Variants in IL31RA observed in about 807,000 individuals in gnomAD.
IL31RA encodes interleukin-31 receptor subunit alpha.
IL31RA carries 66 observed loss-of-function variants against 83.7 expected under a neutral mutation model. That is an observed-to-expected ratio of 0.79 (90% CI 0.65 to 0.97). The LOEUF is 0.97. IL31RA is among the 50% of genes least tolerant of loss of function. The pLI is 0.00. For synonymous variants in IL31RA, 325 were observed against 329.0 expected (o/e 0.99, Z 0.13); for missense variants, 798 against 919.4 (o/e 0.87, Z 1.71).
At chr5:55,864,616 C>G (rs1433010569) in intron 2 of IL31RA, among the ~76,000 whole-genome samples, 2 of 150,470 alleles carry the variant, frequency 1.3e-5, no homozygotes, top group African/African-American at 4.9e-5. Flanking sequence ...ACCATACACA[C>G]CACACACACA....
chr5:55,861,676 C>A (rs1341996079), intron 2 of IL31RA, among the ~76,000 whole-genome samples: 1 of 152,170 alleles, frequency 6.6e-6, no homozygotes, highest in Non-Finnish European at 1.5e-5. Context: ...CAATTGCTCC[C>A]AGTTATCTAA....
intron 2 of IL31RA, among the ~76,000 whole-genome samples, chr5:55,864,105 T>C (rs1194221539): frequency 6.6e-6 from 1 of 152,090 alleles, no homozygotes; most frequent in Non-Finnish European, 1.5e-5. Context: ...AGACTAAGAC[T>C]ATTCTGGGGA....
intron 1 of IL31RA, chr5:55,853,479 C>T: frequency 6.5e-7 from 1 of 1,549,354 alleles, no homozygotes; most frequent in East Asian, 2.4e-5. Flanking sequence ...TCTTCCTGTC[C>T]TGACTTGTGC....
At chr5:55,856,927 A>T (rs1745396948) in intron 1 of IL31RA, among the ~76,000 whole-genome samples, 1 of 152,144 alleles carries the variant, frequency 6.6e-6, no homozygotes, top group African/African-American at 2.4e-5. Context: ...ATGATAATGA[A>T]GGTTTTCCAA....
rs773658092 is a variant in IL31RA at position 55,919,669 on chromosome 5, G to T, written c.*2549G>T. Among the ~76,000 whole-genome samples, 1 of 152,090 alleles carries T rather than the reference G, an allele frequency of 6.6e-6. No homozygotes were observed. ...TTCCATGGTTTTATTACCTTTGAGG[G>T]GTGGGAAGATGGTGGCTCTGTTTCT... is the stretch of plus-strand genomic sequence containing the variant. On this transcript the variant is annotated 3_prime_UTR_variant, in exon 15 of 15. Coordinates refer to ENST00000652347, the MANE Select transcript of IL31RA (RefSeq NM_139017.7).
chr5:55,885,387 G>A (rs369700501), intron 5 of IL31RA, among the ~76,000 whole-genome samples: 8 of 152,166 alleles, frequency 5.3e-5, no homozygotes, highest in East Asian at 3.9e-4. Context: ...TTTATTGGGC[G>A]AAAAGGAAAA....
chr5:55,866,927 T>A (rs1213958465), intron 2 of IL31RA, among the ~76,000 whole-genome samples: 1 of 152,214 alleles, frequency 6.6e-6, no homozygotes, highest in African/African-American at 2.4e-5. Context: ...CTTTGATATA[T>A]AAAGGTAATT....
At chr5:55,842,379 C>G in the IL31RA span, among the ~76,000 whole-genome samples, 1 of 152,184 alleles carries the variant, frequency 6.6e-6, no homozygotes, top group South Asian at 2.1e-4. Flanking sequence ...ATTGGACCCA[C>G]TATGGGAGGT....
intron 4 of IL31RA, among the ~76,000 whole-genome samples, chr5:55,873,795 A>G (rs1746675555): frequency 6.6e-6 from 1 of 152,116 alleles, no homozygotes; most frequent in Non-Finnish European, 1.5e-5. Context: ...TCTTGGCACA[A>G]GTTCCTTATC....
At chr5:55,842,119 C>T in the IL31RA span, among the ~76,000 whole-genome samples, 5 of 152,048 alleles carry the variant, frequency 3.3e-5, no homozygotes, top group African/African-American at 9.7e-5. Flanking sequence ...GTTGTGGCTC[C>T]AGCAATCCTT....
intron 1 of IL31RA, 21 bp downstream of exon 1, chr5:55,851,654 T>A: frequency 6.2e-7 from 1 of 1,613,704 alleles, no homozygotes; most frequent in Non-Finnish European, 8.5e-7. Flanking sequence ...ATTTGGGGGG[T>A]TACAAATAAT....
intron 7 of IL31RA, among the ~76,000 whole-genome samples, chr5:55,898,998 T>C (rs1748639553): frequency 1.3e-5 from 2 of 152,116 alleles, no homozygotes; most frequent in African/African-American, 4.8e-5. Flanking sequence ...CACTCCAGCC[T>C]GGGCGACAGA....
chr5:55,842,396 G>A, the IL31RA span, among the ~76,000 whole-genome samples: 1 of 152,208 alleles, frequency 6.6e-6, no homozygotes, highest in Non-Finnish European at 1.5e-5. Flanking sequence ...AGGTGTATGG[G>A]AGTATATGAG....
At chr5:55,888,998 G>A (rs1273465794) in intron 5 of IL31RA, among the ~76,000 whole-genome samples, 1 of 152,184 alleles carries the variant, frequency 6.6e-6, no homozygotes, top group Non-Finnish European at 1.5e-5. Context: ...TTCTCTTGCA[G>A]GATCCATGGG....
chr5:55,841,002 A>G, the IL31RA span, among the ~76,000 whole-genome samples: 2 of 152,298 alleles, frequency 1.3e-5, no homozygotes, highest in African/African-American at 4.8e-5. Flanking sequence ...GAAGGAATCA[A>G]GTAATTAACC....
Position 55,903,021 on chromosome 5 carries a change from G to A in IL31RA, c.1069+2889G>A, listed in dbSNP as rs1024229590. Among the ~76,000 whole-genome samples, 5 of 152,132 alleles carry A rather than the reference G, an allele frequency of 3.3e-5. No homozygotes were observed. The highest frequency in any genetic ancestry group is 4.8e-5 in the African/African-American group (2 of 41,418). ...TTATTCATAAAGTGACTTGAATTCCGGTCACAGATGCTGTGTGACACTGAA... is the reference window on the plus strand; with the variant it reads ...TTATTCATAAAGTGACTTGAATTCCAGTCACAGATGCTGTGTGACACTGAA... On this transcript the variant is annotated intron_variant, in intron 8 of 14. Transcript: ENST00000652347. This position sits in a 1 kb window ranked among gnomAD's most constrained non-coding sequence, Gnocchi z 4.7.
the IL31RA span, among the ~76,000 whole-genome samples, chr5:55,841,539 A>G: frequency 6.6e-6 from 1 of 152,220 alleles, no homozygotes; most frequent in Non-Finnish European, 1.5e-5. Flanking sequence ...GAGCACTTGT[A>G]CTGAACTGTC....
At chr5:55,855,053 G>A (rs980450299) in intron 1 of IL31RA, among the ~76,000 whole-genome samples, 12 of 152,036 alleles carry the variant, frequency 7.9e-5, no homozygotes, top group African/African-American at 2.4e-4. Context: ...GCAGTGCATC[G>A]CTTGACTACC....
At chr5:55,885,145 G>A (rs552737255) in intron 5 of IL31RA, among the ~76,000 whole-genome samples, 3 of 152,188 alleles carry the variant, frequency 2.0e-5, no homozygotes, top group South Asian at 2.1e-4. Flanking sequence ...TCATCATTCA[G>A]CCTACTTTTT....
Sources: gnomAD v4.1 joint callset for allele counts (sites outside exome capture counted in the v4.1 genomes callset) on GRCh38, gnomAD v4.1.1 for gene constraint, Gnocchi (gnomAD v3.1) non-coding constraint, MANE v1.5 for transcripts, NCBI Gene and HGNC (gene_info 2026-07-23, HGNC 2026-07-21) for gene names.